CAST: variants seen among roughly 807,000 people sequenced by gnomAD.
CAST encodes the protein calpastatin.
A neutral mutation model predicts 119.6 loss-of-function variants in CAST; 76 were observed. The ratio of observed to expected loss-of-function variants is 0.64; its 90% CI spans 0.53 to 0.77. CAST has a LOEUF of 0.77. CAST is among the 30% of genes least tolerant of loss of function. The pLI is 0.00. For missense variants in CAST, 953 were observed against 946.5 expected (o/e 1.01, Z -0.09); for synonymous variants, 319 against 331.6 (o/e 0.96, Z 0.41).
At chr5:96,713,061 A>G (rs2150364084) in intron 3 of CAST, among the ~76,000 whole-genome samples, 1 of 151,738 alleles carries the variant, frequency 6.6e-6, no homozygotes, top group East Asian at 1.9e-4. Context: ...TTCAGTTTAC[A>G]CCTAAGGAAT....
chr5:96,381,516 G>A, the CAST span, among the ~76,000 whole-genome samples: 1 of 152,168 alleles, frequency 6.6e-6, no homozygotes, highest in Non-Finnish European at 1.5e-5. Context: ...CAATAGATTA[G>A]GATGACCTCC....
At chr5:96,145,357 AAACTC>A in the CAST span, among the ~76,000 whole-genome samples, 1 of 149,852 alleles carries the variant, frequency 6.7e-6, no homozygotes, top group Admixed American at 6.6e-5. Flanking sequence ...TCCCTTAACT[AAACTC>A]TATTGAAATT....
At chr5:96,410,732 C>A in the CAST span, 3 of 1,483,658 alleles carry the variant, frequency 2.0e-6, no homozygotes, top group Non-Finnish European at 2.8e-6. Context: ...GCATGCCACG[C>A]TCTCCTAACT....
At chr5:96,388,006 C>T in the CAST span, among the ~76,000 whole-genome samples, 1,906 of 152,256 alleles carry the variant, frequency 0.013, 21 homozygotes, top group South Asian at 0.032. Flanking sequence ...TGTTCAGATA[C>T]ATATTTAATG....
At chr5:96,769,815 T>G (rs1409095859) in intron 29 of CAST, 1 of 150,698 alleles carries the variant, frequency 6.6e-6, no homozygotes, top group East Asian at 1.9e-4. Flanking sequence ...ATTCTACATA[T>G]AAGTGAAATC....
chr5:96,033,422 A>G, the CAST span, among the ~76,000 whole-genome samples: 1 of 152,198 alleles, frequency 6.6e-6, no homozygotes, highest in Admixed American at 6.5e-5. Flanking sequence ...ATGGTAACCA[A>G]AACAGCATGC....
the CAST span, among the ~76,000 whole-genome samples, chr5:95,967,091 G>C: frequency 6.6e-6 from 1 of 152,144 alleles, no homozygotes; most frequent in Non-Finnish European, 1.5e-5. Context: ...TTTCCATGCT[G>C]TTTTGTACTA....
At chr5:96,644,470 C>T (rs1264327097) in intron 1 of CAST, among the ~76,000 whole-genome samples, 2 of 152,162 alleles carry the variant, frequency 1.3e-5, no homozygotes, top group African/African-American at 4.8e-5. Flanking sequence ...TTGGCGGTGT[C>T]CATTCCCAGA....
chr5:96,416,624 C>T, the CAST span, among the ~76,000 whole-genome samples: 1 of 152,124 alleles, frequency 6.6e-6, no homozygotes, highest in South Asian at 2.1e-4. Flanking sequence ...TAGAACAAGT[C>T]CCCTATTAAG....
the CAST span, among the ~76,000 whole-genome samples, chr5:96,293,510 T>G: frequency 1.1e-4 from 16 of 152,090 alleles, no homozygotes; most frequent in African/African-American, 3.9e-4. Context: ...ACTCCTGACC[T>G]TGTGATCTGC....
At chr5:96,659,288 C>T (rs548567080), upstream of CAST, among the ~76,000 whole-genome samples, 29 of 152,278 alleles carry the variant, frequency 1.9e-4, no homozygotes, top group African/African-American at 6.0e-4. Context: ...GCTCGAGGCA[C>T]GGTTGCCACA....
At chr5:96,222,648 A>G in the CAST span, among the ~76,000 whole-genome samples, 3 of 152,252 alleles carry the variant, frequency 2.0e-5, no homozygotes, top group African/African-American at 7.2e-5. Context: ...ATAAATTATT[A>G]TACACCATTG....
chr5:96,607,726 C>T (rs1048708733), intron 1 of CAST, among the ~76,000 whole-genome samples: 2 of 151,226 alleles, frequency 1.3e-5, no homozygotes, highest in African/African-American at 4.9e-5. Flanking sequence ...GGTCTGGCCA[C>T]GATGCTCTTC....
intron 2 of CAST, among the ~76,000 whole-genome samples, chr5:96,680,354 C>CAAAAAA (rs71617135): frequency 3.8e-4 from 11 of 29,166 alleles, no homozygotes; most frequent in East Asian, 1.5e-3. Flanking sequence ...GACTCTGTCT[C>CAAAAAA]AAAAAAAAAA....
intron 1 of CAST, among the ~76,000 whole-genome samples, chr5:96,557,471 T>C (rs2611727): frequency 0.52 from 78,276 of 151,622 alleles, 20,731 homozygotes; most frequent in Admixed American, 0.55. Flanking sequence ...ACCCATATCA[T>C]GTGCCGACAC....
the CAST span, among the ~76,000 whole-genome samples, chr5:96,377,312 G>A: frequency 2.6e-5 from 4 of 152,110 alleles, no homozygotes; most frequent in African/African-American, 9.7e-5. Context: ...AAAGTCTACA[G>A]TAGTGTACAG....
chr5:96,548,132 T>A (rs1746052070), intron 1 of CAST, among the ~76,000 whole-genome samples: 2 of 152,330 alleles, frequency 1.3e-5, no homozygotes, highest in East Asian at 3.9e-4. Flanking sequence ...TTCTCAAAGA[T>A]CTGGGTATTT....
At chr5:96,431,330 C>G in the CAST span, among the ~76,000 whole-genome samples, 1 of 152,220 alleles carries the variant, frequency 6.6e-6, no homozygotes, top group Non-Finnish European at 1.5e-5. Flanking sequence ...CAACCTTTGA[C>G]TTCTGTTCCC....
the CAST span, among the ~76,000 whole-genome samples, chr5:95,968,886 G>A: frequency 1.8e-3 from 267 of 152,262 alleles, 1 homozygote; most frequent in Non-Finnish European, 2.2e-3. Flanking sequence ...AATAGAGGAT[G>A]TAAGAGGTGA....
Sources: allele counts gnomAD v4.1 joint callset (sites outside exome capture counted in the v4.1 genomes callset), GRCh38; gene constraint gnomAD v4.1.1; transcripts MANE v1.5; gene names NCBI Gene and HGNC (gene_info 2026-07-23, HGNC 2026-07-21).